Variants in ASF1A observed in about 807,000 individuals in gnomAD.
ASF1A encodes the protein anti-silencing function 1A histone chaperone.
A neutral mutation model predicts 22.0 loss-of-function variants in ASF1A; 5 were observed. The ratio of observed to expected loss-of-function variants is 0.23; its 90% CI spans 0.12 to 0.48. The LOEUF (loss-of-function observed/expected upper bound fraction) is 0.48. Among genes scored for constraint, ASF1A ranks in the 20% least tolerant of loss-of-function variants. The pLI, the probability that ASF1A is intolerant of heterozygous loss-of-function variation, is 0.99. For synonymous variants in ASF1A, 97 were observed against 86.7 expected, an observed-to-expected ratio of 1.12 and a Z score of -0.66; for missense variants, 137 against 240.6, an observed-to-expected ratio of 0.57 and a Z score of 2.85.
Position 118,907,519 on chromosome 6 carries a change from C to T in ASF1A, c.520C>T (p.Leu174Phe). Residue 174 changes from leucine to phenylalanine, a missense_variant, in exon 4 of 4, where the codon CTT becomes TTT. By Grantham distance (22) the Leu-to-Phe change is conservative (BLOSUM62 0). This residue lies in a region of ASF1A where 41 missense variants were observed against 43.9 expected (regional missense o/e 0.93). Coordinates refer to ENST00000229595, the MANE Select transcript of ASF1A (RefSeq NM_014034.3). ...ESSNPNLQSL[L>F]STDALPSASK... ...CAGTAATCCAAATCTACAGTCACTT[C>T]TTTCAACAGATGCATTACCTTCAGC... 1 of 1,613,644 alleles carries T rather than the reference C, an allele frequency of 6.2e-7. No individual in the cohort carries two copies. The highest frequency in any genetic ancestry group is 8.5e-7 in the Non-Finnish European group (1 of 1,179,662).
intron 2 of ASF1A, among the ~76,000 whole-genome samples, chr6:118,905,160 A>G (rs1169939024): frequency 6.6e-6 from 1 of 152,168 alleles, no homozygotes; most frequent in Non-Finnish European, 1.5e-5. Flanking sequence ...ATACTAATTT[A>G]CTATTAGAAT....
intron 2 of ASF1A, among the ~76,000 whole-genome samples, chr6:118,901,656 T>C (rs1199398149): frequency 6.6e-6 from 1 of 152,238 alleles, no homozygotes; most frequent in Admixed American, 6.5e-5. Flanking sequence ...CATTCAGTTA[T>C]TCCTCAATTA....
chr6:118,898,405 A>C (rs1779579973), intron 1 of ASF1A, among the ~76,000 whole-genome samples: 1 of 151,832 alleles, frequency 6.6e-6, no homozygotes, highest in Non-Finnish European at 1.5e-5. Context: ...ATTAAAATTC[A>C]TGAAAACCTT....
At chr6:118,900,567 A>G (rs1779741770) in intron 1 of ASF1A, among the ~76,000 whole-genome samples, 199 bp from the exon 2 acceptor site, 1 of 152,216 alleles carries the variant, frequency 6.6e-6, no homozygotes, top group African/African-American at 2.4e-5. Flanking sequence ...GTTTCACAAA[A>G]GAGTATTTTG....
chr6:118,905,550 T>G (rs1487052349), intron 2 of ASF1A, 102 bp from the exon 3 acceptor site: 1 of 838,982 alleles, frequency 1.2e-6, no homozygotes, highest in East Asian at 2.7e-5. Flanking sequence ...TTTTTCTTGT[T>G]GCATCCTCAA....
At chr6:118,904,228 A>G (rs1339542048) in intron 2 of ASF1A, among the ~76,000 whole-genome samples, 1 of 152,210 alleles carries the variant, frequency 6.6e-6, no homozygotes, top group African/African-American at 2.4e-5. Context: ...AATGAAAAAA[A>G]TGTTGAGACT....
In ASF1A at chr6:118,907,484, A is replaced by G. The variant is rs1325331588; in HGVS notation, c.485A>G (p.Asp162Gly). ...GAAGATAACACAGAAAAACTGGAAG[A>G]TGCAGAGAGCAGTAATCCAAATCTA... is the stretch of plus-strand genomic sequence containing the variant. ...NWEDNTEKLE[D>G]AESSNPNLQS... is the part of the protein sequence containing the mutation. The change falls in exon 4 of 4, where the codon GAT becomes GGT. Residue 162 changes from aspartate to glycine, a missense_variant. Around this residue, in one of 2 missense-constraint regions of ASF1A, gnomAD observed 96 missense variants for 196.7 expected, o/e 0.49. Coordinates refer to ENST00000229595, the MANE Select transcript of ASF1A (RefSeq NM_014034.3). 47 of 1,613,472 alleles carry G rather than the reference A, an allele frequency of 2.9e-5. No individual in the cohort carries two copies. Among genetic ancestry groups the G allele is most frequent in the Non-Finnish European group, 4.0e-5 (47 of 1,179,686 alleles).
chr6:118,900,414 T>C (rs188588624), intron 1 of ASF1A, among the ~76,000 whole-genome samples: 1 of 152,360 alleles, frequency 6.6e-6, no homozygotes, highest in East Asian at 1.9e-4. Context: ...GCTGGATTAA[T>C]GTTACTGGTG....
At chr6:118,906,865 G>T (rs1054652903) in intron 3 of ASF1A, among the ~76,000 whole-genome samples, 1 of 151,992 alleles carries the variant, frequency 6.6e-6, no homozygotes, top group Non-Finnish European at 1.5e-5. Flanking sequence ...TAATAAGGCC[G>T]GACTATTTTT....
At chr6:118,895,977 T>C (rs1261128988) in intron 1 of ASF1A, among the ~76,000 whole-genome samples, 4 of 151,974 alleles carry the variant, frequency 2.6e-5, no homozygotes, top group Admixed American at 2.0e-4. Flanking sequence ...AACAGTTCTC[T>C]GTACTCAGTG....
chr6:118,901,595 A>G (rs991834938), intron 2 of ASF1A, among the ~76,000 whole-genome samples: 2 of 152,186 alleles, frequency 1.3e-5, no homozygotes, highest in African/African-American at 2.4e-5. Flanking sequence ...ATTGTCTTCT[A>G]TATTCAAAAG....
intron 2 of ASF1A, among the ~76,000 whole-genome samples, chr6:118,901,709 A>T (rs1275250786): frequency 6.6e-6 from 1 of 152,272 alleles, no homozygotes; most frequent in Non-Finnish European, 1.5e-5. Context: ...TAGACCAAAG[A>T]GTAACTAGCC....
intron 2 of ASF1A, 97 bp from the exon 3 acceptor site, chr6:118,905,555 C>G (rs1780123845): frequency 1.1e-6 from 1 of 919,100 alleles, no homozygotes; most frequent in Admixed American, 2.7e-5. Flanking sequence ...CTTGTTGCAT[C>G]CTCAACTGAT....
chr6:118,897,145 A>G (rs934720601), intron 1 of ASF1A, among the ~76,000 whole-genome samples: 1 of 152,190 alleles, frequency 6.6e-6, no homozygotes, highest in Non-Finnish European at 1.5e-5. Context: ...CCCAAACTAT[A>G]GAATATTTTG....
chr6:118,895,267 CCCGGGATGCG>C (rs887105410), intron 1 of ASF1A, among the ~76,000 whole-genome samples: 2 of 152,018 alleles, frequency 1.3e-5, no homozygotes, highest in African/African-American at 4.8e-5. Flanking sequence ...TCGGCCGGCG[CCCGGGATGCG>C]CCGGGATGCT....
At chr6:118,900,620 A>C in intron 1 of ASF1A, 146 bp from the exon 2 acceptor site, 1 of 632,194 alleles carries the variant, frequency 1.6e-6, no homozygotes, top group Admixed American at 2.8e-5. Context: ...GAACTTTATA[A>C]GGAGCATTTC....
chr6:118,901,349 T>A (rs993127544), intron 2 of ASF1A, among the ~76,000 whole-genome samples: 2 of 152,258 alleles, frequency 1.3e-5, no homozygotes, highest in Non-Finnish European at 2.9e-5. Context: ...TTCAGCATAA[T>A]CAGTAGTTGA....
intron 2 of ASF1A, among the ~76,000 whole-genome samples, chr6:118,905,131 C>G (rs531667340): frequency 3.8e-4 from 58 of 152,294 alleles, no homozygotes; most frequent in African/African-American, 1.3e-3. Context: ...CAACCACACC[C>G]AACCTCATTT....
chr6:118,900,671 C>T (rs1164878014), intron 1 of ASF1A, 95 bp from the exon 2 acceptor site: 2 of 860,938 alleles, frequency 2.3e-6, no homozygotes, highest in Middle Eastern at 2.2e-4. Flanking sequence ...ATTTTAAAGC[C>T]AGTAAGTGGC....
Sources: allele counts gnomAD v4.1 joint callset (sites outside exome capture counted in the v4.1 genomes callset), GRCh38; gene constraint gnomAD v4.1.1; regional missense constraint gnomAD v4.1.1; transcripts MANE v1.5; gene names NCBI Gene and HGNC (gene_info 2026-07-23, HGNC 2026-07-21).